Variants in MRPS28 observed in about 807,000 individuals in gnomAD.
MRPS28 encodes mitochondrial ribosomal protein S28, also known as small ribosomal subunit protein bS1m.
Under a neutral mutation model 10.8 loss-of-function variants are expected in MRPS28, and 7 were observed. The ratio of observed to expected loss-of-function variants is 0.65; its 90% CI spans 0.37 to 1.22. The LOEUF (loss-of-function observed/expected upper bound fraction) is 1.22. MRPS28 is among the 50% of genes most tolerant of loss of function. The pLI, the probability that MRPS28 is intolerant of heterozygous loss-of-function variation, is 0.02. For synonymous variants in MRPS28, 121 were observed against 93.3 expected, an observed-to-expected ratio of 1.30 and a Z score of -1.71; for missense variants, 265 against 232.9, an observed-to-expected ratio of 1.14 and a Z score of -0.90.
At chr8:79,996,858 G>A (rs542696150) in intron 2 of MRPS28, among the ~76,000 whole-genome samples, 1 of 152,316 alleles carries the variant, frequency 6.6e-6, no homozygotes, top group African/African-American at 2.4e-5. Context: ...ATGATTTAGA[G>A]TGAAGCACAG....
At chr8:79,963,433 T>C (rs1807422113) in intron 2 of MRPS28, among the ~76,000 whole-genome samples, 1 of 152,140 alleles carries the variant, frequency 6.6e-6, no homozygotes, top group Non-Finnish European at 1.5e-5. Flanking sequence ...GCTGTGACTA[T>C]ATAATTACCT....
intron 2 of MRPS28, among the ~76,000 whole-genome samples, chr8:79,951,508 C>A (rs1380248536): frequency 6.6e-6 from 1 of 152,184 alleles, no homozygotes; most frequent in African/African-American, 2.4e-5. Context: ...GGAAGATTAA[C>A]TTCCCCACCC....
At chr8:79,919,284 G>A (rs1417188333) in intron 2 of MRPS28, 136 bp from the exon 3 acceptor site, 15 of 590,504 alleles carry the variant, frequency 2.5e-5, no homozygotes, top group Non-Finnish European at 3.8e-5. Context: ...CTTAGAAATA[G>A]CTGTATTTGA....
intron 2 of MRPS28, among the ~76,000 whole-genome samples, chr8:79,953,240 G>A (rs1240783591): frequency 2.6e-5 from 4 of 152,168 alleles, no homozygotes; most frequent in East Asian, 1.9e-4. Context: ...ACACAAGGGC[G>A]TGTACAGTTC....
intron 1 of MRPS28, among the ~76,000 whole-genome samples, chr8:80,014,501 G>A (rs1809143695): frequency 6.6e-6 from 1 of 152,202 alleles, no homozygotes; most frequent in Non-Finnish European, 1.5e-5. Flanking sequence ...GGAAGGCTGG[G>A]AAGTCTGGCC....
chr8:79,974,518 G>A (rs1032621652), intron 2 of MRPS28, among the ~76,000 whole-genome samples: 1 of 151,602 alleles, frequency 6.6e-6, no homozygotes, highest in African/African-American at 2.4e-5. Context: ...TCCAGCCTGG[G>A]CGACAGAGCG....
At chr8:79,945,501 C>T (rs1198447539) in intron 2 of MRPS28, among the ~76,000 whole-genome samples, 2 of 152,144 alleles carry the variant, frequency 1.3e-5, no homozygotes, top group Non-Finnish European at 2.9e-5. Context: ...CCAAACGTAA[C>T]ATAAGCTGTA....
chr8:80,026,177 T>C (rs1264525524), intron 1 of MRPS28, among the ~76,000 whole-genome samples: 1 of 152,232 alleles, frequency 6.6e-6, no homozygotes, highest in Non-Finnish European at 1.5e-5. Context: ...CACGATACTG[T>C]TCAATTAAAT....
chr8:79,967,544 G>A (rs1476671242), intron 2 of MRPS28, among the ~76,000 whole-genome samples: 1 of 152,156 alleles, frequency 6.6e-6, no homozygotes, highest in African/African-American at 2.4e-5. Flanking sequence ...GTAGTAAAAG[G>A]TTTTGTTGTG....
At chr8:80,019,997 C>T (rs528690816) in intron 1 of MRPS28, among the ~76,000 whole-genome samples, 1 of 152,220 alleles carries the variant, frequency 6.6e-6, no homozygotes, top group African/African-American at 2.4e-5. Flanking sequence ...TTTAGGGAGA[C>T]ATGAGACATC....
At position 79,996,206 on chromosome 8, in the gene MRPS28, A is replaced by C. The variant is rs1331723595; in HGVS notation, c.395+6793T>G. Among the ~76,000 whole-genome samples, 4 of 152,328 alleles carry C rather than the reference A, an allele frequency of 2.6e-5. No individual in the cohort carries two copies. In the South Asian group the frequency reaches 6.2e-4, roughly 24 times the overall value. On this transcript the variant is annotated intron_variant, in intron 2 of 2. Coordinates refer to ENST00000276585, the MANE Select transcript of MRPS28 (RefSeq NM_014018.3). ...CAATTTTCTATTATTTACACAATAA[A>C]CTTTTTTGAAATACATCATTCCCAA...
chr8:79,927,821 T>A (rs950300171), intron 2 of MRPS28, among the ~76,000 whole-genome samples: 1 of 152,174 alleles, frequency 6.6e-6, no homozygotes, highest in African/African-American at 2.4e-5. Flanking sequence ...GTTATTGCAG[T>A]AGAGTATGTA....
At chr8:79,946,660 C>T (rs534224678) in intron 2 of MRPS28, among the ~76,000 whole-genome samples, 76 of 152,194 alleles carry the variant, frequency 5.0e-4, no homozygotes, top group African/African-American at 1.6e-3. Context: ...GTTCTTTTCG[C>T]TCCTGTGTGA....
At chr8:79,958,294 CATA>C (rs1183669027) in intron 2 of MRPS28, 2 of 662,126 alleles carry the variant, frequency 3.0e-6, no homozygotes, top group Non-Finnish European at 5.4e-6. Context: ...TTTCATTTGG[CATA>C]ATGTTTTCAG....
At chr8:80,011,127 A>AT (rs202004834) in intron 1 of MRPS28, among the ~76,000 whole-genome samples, 2,015 of 145,146 alleles carry the variant, frequency 0.014, 20 homozygotes, top group Middle Eastern at 0.028. Context: ...TTTTTTTTTT[A>AT]TTTTTTTATT....
At chr8:79,925,483 C>T (rs1056214986) in intron 2 of MRPS28, among the ~76,000 whole-genome samples, 3 of 152,096 alleles carry the variant, frequency 2.0e-5, no homozygotes, top group Non-Finnish European at 2.9e-5. Context: ...TTTAACCTTG[C>T]CGGGCTAGTA....
chr8:79,922,405 T>TTTA (rs1006617480), intron 2 of MRPS28, among the ~76,000 whole-genome samples: 2 of 152,188 alleles, frequency 1.3e-5, no homozygotes, highest in Non-Finnish European at 2.9e-5. Context: ...AGAGATCTAC[T>TTTA]GTACATCATG....
intron 2 of MRPS28, among the ~76,000 whole-genome samples, chr8:79,996,128 T>C (rs1399452548): frequency 1.3e-5 from 2 of 152,228 alleles, no homozygotes; most frequent in Admixed American, 6.5e-5. Context: ...TAATACATTT[T>C]ATTAAAAGAA....
At chr8:80,025,825 G>A (rs1214712464) in intron 1 of MRPS28, among the ~76,000 whole-genome samples, 4 of 152,132 alleles carry the variant, frequency 2.6e-5, no homozygotes, top group African/African-American at 7.2e-5. Flanking sequence ...GAGGAACCAG[G>A]ATTTAAACCA....
Sources: allele counts gnomAD v4.1 joint callset (sites outside exome capture counted in the v4.1 genomes callset), GRCh38; gene constraint gnomAD v4.1.1; transcripts MANE v1.5; gene names NCBI Gene and HGNC (gene_info 2026-07-23, HGNC 2026-07-21).